Variants in HOMER2 observed in about 807,000 individuals in gnomAD.
The protein encoded by HOMER2 is homer scaffold protein 2, also known as homer protein homolog 2.
A neutral mutation model predicts 47.0 loss-of-function variants in HOMER2; 27 were observed. The ratio of observed to expected loss-of-function variants is 0.57; its 90% CI spans 0.42 to 0.79. The LOEUF (loss-of-function observed/expected upper bound fraction) is 0.79. Ranked by LOEUF, HOMER2 falls within the 30% of genes least tolerant of loss-of-function variation. The pLI is 0.00. For synonymous variants in HOMER2, 161 were observed against 163.8 expected (o/e 0.98, Z 0.13); for missense variants, 443 against 435.0 (o/e 1.02, Z -0.16).
chr15:82,853,975 C>T (rs537598269), intron 6 of HOMER2, among the ~76,000 whole-genome samples: 46 of 152,320 alleles, frequency 3.0e-4, no homozygotes, highest in Non-Finnish European at 6.2e-4. Context: ...CTCACCTACC[C>T]TCTGGGTCCC....
chr15:82,858,939 C>G, intron 5 of HOMER2, 90 bp downstream of exon 5: 1 of 1,461,354 alleles, frequency 6.8e-7, no homozygotes. Context: ...TTTTCTCTCC[C>G]AATTTCCTGA....
upstream of HOMER2, among the ~76,000 whole-genome samples, chr15:82,955,231 G>A (rs1164236762): frequency 5.4e-5 from 8 of 146,794 alleles, no homozygotes; most frequent in Admixed American, 1.4e-4. Context: ...GTGCAGTGGC[G>A]CAATCTTGGC....
At chr15:82,939,600 G>A (rs2054217922) in intron 1 of HOMER2, among the ~76,000 whole-genome samples, 1 of 152,138 alleles carries the variant, frequency 6.6e-6, no homozygotes, top group Admixed American at 6.5e-5. Flanking sequence ...AACCTGGGAG[G>A]CAGAGGTTTC....
At chr15:82,979,981 T>G (rs1414141061) in intron 1 of HOMER2, among the ~76,000 whole-genome samples, 1 of 152,064 alleles carries the variant, frequency 6.6e-6, no homozygotes, top group African/African-American at 2.4e-5. Context: ...ATAGTCTGCA[T>G]AGGCAACACA....
intron 1 of HOMER2, among the ~76,000 whole-genome samples, chr15:82,895,249 TCA>T (rs1377854130): frequency 1.2e-4 from 19 of 152,138 alleles, no homozygotes; most frequent in Admixed American, 1.2e-3. Flanking sequence ...TTTTATTCCC[TCA>T]AACAGAGACC....
intron 1 of HOMER2, among the ~76,000 whole-genome samples, chr15:82,927,901 C>T (rs909236403): frequency 6.8e-6 from 1 of 147,646 alleles, no homozygotes; most frequent in East Asian, 2.0e-4. Flanking sequence ...AACCGGGAGG[C>T]GGAAGTTGCA....
chr15:82,974,005 C>A (rs994760317), intron 1 of HOMER2, among the ~76,000 whole-genome samples: 1 of 150,888 alleles, frequency 6.6e-6, no homozygotes, highest in African/African-American at 2.4e-5. Context: ...GTCTGAGGCA[C>A]GAGGGTCACT....
chr15:82,878,829 T>C lies in HOMER2; in HGVS notation c.163-3425A>G, dbSNP rs987091044. Among the ~76,000 whole-genome samples the C allele has an allele frequency of 9.2e-5, 14 of 152,224 alleles. 1 individual carries two copies. The highest frequency in any genetic ancestry group is 1.6e-4 in the Non-Finnish European group (11 of 68,038). On this transcript the variant is annotated intron_variant, in intron 2 of 8. Transcript: ENST00000450735. ...TTCTTGTACAGATGGGGTTTCGCCA[T>C]GTTGCCCTGGCTGATCTCAAACTCC...
At chr15:82,871,707 C>A (rs1393273180) in intron 3 of HOMER2, among the ~76,000 whole-genome samples, 1 of 152,130 alleles carries the variant, frequency 6.6e-6, no homozygotes, top group African/African-American at 2.4e-5. Flanking sequence ...ACGGTGCACT[C>A]CTCCTTAATG....
At chr15:82,930,080 T>G (rs1010297114) in intron 1 of HOMER2, among the ~76,000 whole-genome samples, 1 of 152,208 alleles carries the variant, frequency 6.6e-6, no homozygotes, top group Non-Finnish European at 1.5e-5. Flanking sequence ...GACTTCAAGT[T>G]GTACTCTTGA....
At chr15:82,865,562 CAT>C (rs986634094) in intron 3 of HOMER2, among the ~76,000 whole-genome samples, 40 of 152,308 alleles carry the variant, frequency 2.6e-4, no homozygotes, top group African/African-American at 8.4e-4. Flanking sequence ...TACATTCAAA[CAT>C]GTGAGAATCA....
intron 1 of HOMER2, among the ~76,000 whole-genome samples, chr15:82,974,204 A>G (rs1398453683): frequency 6.6e-6 from 1 of 152,088 alleles, no homozygotes; most frequent in African/African-American, 2.4e-5. Context: ...CAGGAGTTCG[A>G]GACCAGCATG....
intron 8 of HOMER2, 107 bp downstream of exon 8, chr15:82,851,044 T>TC: frequency 1.3e-6 from 1 of 779,082 alleles, no homozygotes; most frequent in Non-Finnish European, 2.1e-6. Context: ...AGAAAATCTC[T>TC]CCTTCAGCAT....
At chr15:82,918,107 C>T (rs541615901) in intron 1 of HOMER2, among the ~76,000 whole-genome samples, 14 of 152,100 alleles carry the variant, frequency 9.2e-5, no homozygotes, top group African/African-American at 2.9e-4. Context: ...CAGCATTGCC[C>T]GAGCCGCATT....
At chr15:82,914,056 G>A (rs756669770) in intron 1 of HOMER2, among the ~76,000 whole-genome samples, 5 of 152,024 alleles carry the variant, frequency 3.3e-5, no homozygotes, top group African/African-American at 9.7e-5. Flanking sequence ...AATGAAAGTC[G>A]GCCAGGTGCG....
chr15:82,978,877 C>G (rs1025403929), intron 1 of HOMER2, among the ~76,000 whole-genome samples: 3 of 152,198 alleles, frequency 2.0e-5, no homozygotes, highest in Non-Finnish European at 4.4e-5. Context: ...TGTGCCACCA[C>G]ACCCAGCTAA....
At chr15:82,840,960 A>AT (rs1007750008) in exon 2 of HOMER2, 5 of 152,084 alleles carry the variant, frequency 3.3e-5, no homozygotes, top group African/African-American at 7.2e-5. Flanking sequence ...GTTCTTTTTA[A>AT]TTTTTTTAAG....
intron 5 of HOMER2, among the ~76,000 whole-genome samples, chr15:82,857,766 G>A (rs1000051941): frequency 6.6e-6 from 1 of 152,118 alleles, no homozygotes; most frequent in African/African-American, 2.4e-5. Flanking sequence ...TGAGGAGGGG[G>A]GCTTCTCGGT....
chr15:82,985,320 G>C (rs2030553677), intron 1 of HOMER2, among the ~76,000 whole-genome samples: 1 of 152,032 alleles, frequency 6.6e-6, no homozygotes, highest in Non-Finnish European at 1.5e-5. Flanking sequence ...CTTGAAGATG[G>C]CTACACCTAT....
Sources: gnomAD v4.1 joint callset for allele counts (sites outside exome capture counted in the v4.1 genomes callset) on GRCh38, gnomAD v4.1.1 for gene constraint, MANE v1.5 for transcripts, NCBI Gene and HGNC (gene_info 2026-07-23, HGNC 2026-07-21) for gene names.